RIMS2: variants seen among roughly 807,000 people sequenced by gnomAD.
RIMS2 encodes the protein regulating synaptic membrane exocytosis protein 2.
Under a neutral mutation model 174.4 loss-of-function variants are expected in RIMS2, and 59 were observed. That is an observed-to-expected ratio of 0.34 (90% confidence interval 0.27 to 0.42). The LOEUF is 0.42. Among genes scored for constraint, RIMS2 ranks in the 10% least tolerant of loss-of-function variants. The pLI is 1.00. For synonymous variants in RIMS2, 606 were observed against 572.5 expected, an observed-to-expected ratio of 1.06 and a Z score of -0.84; for missense variants, 1,620 against 1,666.3, an observed-to-expected ratio of 0.97 and a Z score of 0.48.
chr8:103,887,098 A>G (rs951995642), intron 4 of RIMS2, among the ~76,000 whole-genome samples: 1 of 151,802 alleles, frequency 6.6e-6, no homozygotes, highest in East Asian at 1.9e-4. Flanking sequence ...TCAATTCACC[A>G]AATCTTTGCC....
chr8:104,180,279 A>C (rs1266170412), intron 19 of RIMS2, among the ~76,000 whole-genome samples: 1 of 151,648 alleles, frequency 6.6e-6, no homozygotes, highest in Admixed American at 6.6e-5. Flanking sequence ...GTATTATACA[A>C]TTTACATCCT....
intron 19 of RIMS2, among the ~76,000 whole-genome samples, chr8:104,060,501 T>C (rs1056847088): frequency 1.3e-5 from 2 of 152,078 alleles, no homozygotes; most frequent in South Asian, 2.1e-4. Flanking sequence ...TCAATTTTGT[T>C]GATCCTTTCA....
chr8:103,980,283 C>T (rs1340560099), intron 16 of RIMS2, among the ~76,000 whole-genome samples: 1 of 152,066 alleles, frequency 6.6e-6, no homozygotes, highest in Non-Finnish European at 1.5e-5. Context: ...AGTCAAGAAG[C>T]CCCCGTTCTA....
chr8:103,932,029 A>G (rs1241977803), intron 12 of RIMS2, among the ~76,000 whole-genome samples: 5 of 151,978 alleles, frequency 3.3e-5, no homozygotes, highest in Admixed American at 1.3e-4. Flanking sequence ...ATTTTATCTG[A>G]AAACAAATCT....
chr8:103,764,554 T>C (rs1164647699), intron 2 of RIMS2, among the ~76,000 whole-genome samples: 1 of 152,176 alleles, frequency 6.6e-6, no homozygotes, highest in Non-Finnish European at 1.5e-5. Context: ...TTAGATATAT[T>C]TCATGTCTAT....
chr8:103,838,223 G>A (rs768672152), intron 3 of RIMS2, among the ~76,000 whole-genome samples: 5 of 152,094 alleles, frequency 3.3e-5, no homozygotes, highest in Non-Finnish European at 7.4e-5. Context: ...TGAGATTACA[G>A]GCATGAGCCA....
intron 1 of RIMS2, among the ~76,000 whole-genome samples, chr8:103,606,692 G>T (rs2095106684): frequency 6.6e-6 from 1 of 152,090 alleles, no homozygotes; most frequent in South Asian, 2.1e-4. Context: ...CTCCTATATT[G>T]GGTGCATATA....
At chr8:103,917,782 C>T (rs777000392) in intron 8 of RIMS2, among the ~76,000 whole-genome samples, 4 of 151,964 alleles carry the variant, frequency 2.6e-5, no homozygotes, top group African/African-American at 9.7e-5. Flanking sequence ...GAGGGCGAGG[C>T]GGAAGGATCA....
intron 3 of RIMS2, among the ~76,000 whole-genome samples, chr8:103,859,353 T>C (rs2099046243): frequency 1.3e-5 from 2 of 152,088 alleles, no homozygotes; most frequent in East Asian, 3.9e-4. Flanking sequence ...TTCTTCTCCC[T>C]TTTCCACCAC....
intron 1 of RIMS2, among the ~76,000 whole-genome samples, chr8:103,613,340 G>T (rs541009246): frequency 1.3e-5 from 2 of 151,684 alleles, no homozygotes; most frequent in African/African-American, 4.9e-5. Context: ...AGCCCACTGA[G>T]GTGGTAGGGA....
intron 3 of RIMS2, among the ~76,000 whole-genome samples, chr8:103,872,416 CTT>C (rs2099116923): frequency 6.6e-6 from 1 of 152,302 alleles, no homozygotes; most frequent in East Asian, 1.9e-4. Context: ...AGAGTTCTCA[CTT>C]GAGACAAGTC....
At chr8:103,506,050 G>C (rs985266033) in intron 1 of RIMS2, among the ~76,000 whole-genome samples, 1 of 151,876 alleles carries the variant, frequency 6.6e-6, no homozygotes, top group Non-Finnish European at 1.5e-5. Context: ...CCCTATTCTA[G>C]TATTTTTAAA....
At chr8:104,254,325 G>C (rs1177569284), downstream of RIMS2, 1 of 151,508 alleles carries the variant, frequency 6.6e-6, no homozygotes, top group African/African-American at 2.4e-5. Context: ...AATTCCAGTT[G>C]GGAAAAAAGG....
In RIMS2 at chr8:103,532,701, T is replaced by C. The variant is rs575401751; in HGVS notation, c.176+31639T>C. Among the ~76,000 whole-genome samples, 391 of 152,340 alleles carry C rather than the reference T, an allele frequency of 2.6e-3. 2 individuals carry two copies. The highest frequency in any genetic ancestry group is 4.3e-3 in the South Asian group (21 of 4,828). On this transcript the variant is annotated intron_variant, in intron 1 of 23. Coordinates refer to ENST00000504942, the Ensembl canonical transcript of RIMS2. ...GTGACCAAATGTGGCACACTTCACT[T>C]TACACTGCTGTTTGGTCCACTGCAA...
At chr8:103,539,189 AAC>A (rs969299086) in intron 1 of RIMS2, among the ~76,000 whole-genome samples, 5 of 152,302 alleles carry the variant, frequency 3.3e-5, no homozygotes, top group African/African-American at 1.2e-4. Context: ...CAGCTTGAGC[AAC>A]ACAATGAGAC....
chr8:103,524,734 T>C (rs1833181510), intron 1 of RIMS2, among the ~76,000 whole-genome samples: 1 of 152,076 alleles, frequency 6.6e-6, no homozygotes, highest in Non-Finnish European at 1.5e-5. Flanking sequence ...TGGACTCACC[T>C]CAGAGGATGC....
intron 17 of RIMS2, among the ~76,000 whole-genome samples, chr8:103,996,652 G>A (rs559437169): frequency 6.6e-6 from 1 of 152,020 alleles, no homozygotes; most frequent in South Asian, 2.1e-4. Context: ...CAGGCTGTAT[G>A]TACAAATGTG....
chr8:103,728,389 CT>C (rs2097549005), intron 2 of RIMS2, among the ~76,000 whole-genome samples: 2 of 151,970 alleles, frequency 1.3e-5, no homozygotes, highest in African/African-American at 4.8e-5. Flanking sequence ...TATAATTTGA[CT>C]TATTTATTTC....
chr8:103,686,594 A>T (rs956641605), intron 1 of RIMS2, among the ~76,000 whole-genome samples: 7 of 152,174 alleles, frequency 4.6e-5, no homozygotes, highest in Non-Finnish European at 1.0e-4. Flanking sequence ...ATATTGCTTG[A>T]ATTTAAAATG....
Sources: allele counts gnomAD v4.1 joint callset (sites outside exome capture counted in the v4.1 genomes callset), GRCh38; gene constraint gnomAD v4.1.1; transcripts MANE v1.5; gene names NCBI Gene and HGNC (gene_info 2026-07-23, HGNC 2026-07-21).